The following TRIQK variants were observed in gnomAD, a reference collection of about 807,000 sequenced individuals.
The protein encoded by TRIQK is triple QxxK/R motif-containing protein.
TRIQK carries 10 observed loss-of-function variants against 10.8 expected under a neutral mutation model. The observed-to-expected ratio is 0.92, with a 90% CI of 0.57 to 1.57. The LOEUF (loss-of-function observed/expected upper bound fraction) is 1.57. Ranked by LOEUF, TRIQK falls within the 40% of genes most tolerant of loss-of-function variation. The probability of loss-of-function intolerance (pLI) is 0.00; values close to 1 mark genes in which losing one functional copy is unlikely to be tolerated. For synonymous variants in TRIQK, 33 were observed against 33.7 expected, an observed-to-expected ratio of 0.98 and a Z score of 0.07; for missense variants, 107 against 97.7, an observed-to-expected ratio of 1.09 and a Z score of -0.40.
chr8:92,997,672 A>G (rs1196811416), intron 1 of TRIQK, among the ~76,000 whole-genome samples: 1 of 152,116 alleles, frequency 6.6e-6, no homozygotes, highest in East Asian at 1.9e-4. Flanking sequence ...ACCTGCACAT[A>G]GTGCACTTTG....
At chr8:92,895,525 A>G (rs1808548624) in intron 3 of TRIQK, among the ~76,000 whole-genome samples, 2 of 152,172 alleles carry the variant, frequency 1.3e-5, no homozygotes, top group South Asian at 4.1e-4. Context: ...AGATGTAAGG[A>G]AAGTCTGAAT....
intron 1 of TRIQK, among the ~76,000 whole-genome samples, chr8:92,989,253 T>A: frequency 6.6e-6 from 1 of 152,194 alleles, no homozygotes; most frequent in East Asian, 1.9e-4. Context: ...AGGGCTAGAA[T>A]AAAATATGTC....
chr8:92,994,910 C>A (rs1376064534), intron 1 of TRIQK, among the ~76,000 whole-genome samples: 1 of 145,812 alleles, frequency 6.9e-6, no homozygotes, highest in Non-Finnish European at 1.5e-5. Flanking sequence ...TTTTCCATTA[C>A]AATATGTTCC....
At chr8:92,932,353 A>G (rs1332561986) in intron 2 of TRIQK, among the ~76,000 whole-genome samples, 1 of 152,060 alleles carries the variant, frequency 6.6e-6, no homozygotes, top group East Asian at 1.9e-4. Context: ...TTTTCCTTTA[A>G]CTAGCAAGTT....
chr8:92,932,291 A>G (rs1398675700), intron 2 of TRIQK, among the ~76,000 whole-genome samples: 3 of 152,112 alleles, frequency 2.0e-5, no homozygotes, highest in African/African-American at 7.2e-5. Flanking sequence ...AACTTCTTCA[A>G]TCATACATCT....
rs1229468073 is a variant in TRIQK at position 92,892,130 on chromosome 8, A to T, written c.62-56T>A. 3.4e-6 allele frequency: 4 copies of T among 1,169,442 alleles called. No individual in the cohort carries two copies. The East Asian group carries it at 1.1e-4, about 31-fold the overall frequency. The allele number at this position is 1,169,442 out of a possible 1,614,324, so 72.4% of individuals were successfully genotyped here. ...ATGCTCATATATAATTAAGTTTAAC[A>T]ATCATTTGAAATGTCAAAGAATGTT... On this transcript the variant is annotated intron_variant, in intron 3 of 4. Coordinates refer to ENST00000521988, the MANE Select transcript of TRIQK (RefSeq NM_001171797.2).
rs529158781 is a variant in TRIQK, at chr8:92,885,128, A to C, written c.*1494T>G. ...TAAATTTTGCCCTCAGATGTTTGGC[A>C]TAAATGATTTGTGAGGATATTGGAA... On this transcript the variant is annotated 3_prime_UTR_variant, in exon 5 of 5. Transcript: ENST00000521988. 1 of 413,742 alleles carries C rather than the reference A, an allele frequency of 2.4e-6. No individual in the cohort carries two copies. Among genetic ancestry groups the C allele is most frequent in the Admixed American group, 2.6e-5 (1 of 38,586 alleles). The allele number at this position is 413,742 out of a possible 1,614,324, so 25.6% of individuals were successfully genotyped here. A position where few individuals can be genotyped will look rare whatever the true frequency, so the allele number is the denominator to read the frequency against.
chr8:92,972,342 C>G (rs1029150902), intron 1 of TRIQK, among the ~76,000 whole-genome samples: 16 of 151,862 alleles, frequency 1.1e-4, no homozygotes, highest in African/African-American at 2.7e-4. Context: ...TCCATTTATA[C>G]TTTCCTTTTT....
At chr8:93,013,885 G>T (rs1813359499) in intron 1 of TRIQK, among the ~76,000 whole-genome samples, 1 of 152,146 alleles carries the variant, frequency 6.6e-6, no homozygotes, top group South Asian at 2.1e-4. Flanking sequence ...TCAGTTTCAA[G>T]CTTCCAAGGA....
At chr8:92,994,328 C>T (rs949914823) in intron 1 of TRIQK, among the ~76,000 whole-genome samples, 1 of 151,914 alleles carries the variant, frequency 6.6e-6, no homozygotes. Flanking sequence ...ATTTATATAT[C>T]CCTAGTGTCT....
intron 1 of TRIQK, among the ~76,000 whole-genome samples, chr8:92,989,584 C>A (rs1183696830): frequency 6.6e-6 from 1 of 152,162 alleles, no homozygotes; most frequent in East Asian, 1.9e-4. Flanking sequence ...CTCCCATCAC[C>A]CCCAGATGGG....
intron 1 of TRIQK, among the ~76,000 whole-genome samples, chr8:92,999,192 C>G (rs142277257): frequency 6.6e-6 from 1 of 152,220 alleles, no homozygotes; most frequent in East Asian, 1.9e-4. Flanking sequence ...GTTTACTTGC[C>G]CTTGTTGAAT....
At chr8:93,003,113 A>AGAGTAAATC (rs1182796867) in intron 1 of TRIQK, among the ~76,000 whole-genome samples, 3 of 152,086 alleles carry the variant, frequency 2.0e-5, no homozygotes, top group Non-Finnish European at 4.4e-5. Context: ...TAACATTAAA[A>AGAGTAAATC]AGACTATTTA....
At chr8:92,954,834 C>T (rs960367645) in intron 1 of TRIQK, among the ~76,000 whole-genome samples, 3 of 151,740 alleles carry the variant, frequency 2.0e-5, no homozygotes, top group Non-Finnish European at 4.4e-5. Flanking sequence ...ATTTATGTGA[C>T]CCAGTGTGTC....
intron 1 of TRIQK, chr8:92,963,732 A>G (rs543981396): frequency 6.6e-6 from 1 of 152,182 alleles, no homozygotes; most frequent in South Asian, 2.1e-4. Context: ...CGTCTGTACT[A>G]AAAATACAAA....
At chr8:92,921,611 A>G (rs1293386226) in intron 2 of TRIQK, 1 of 151,838 alleles carries the variant, frequency 6.6e-6, no homozygotes, top group Non-Finnish European at 1.5e-5. Context: ...ATCATGAATG[A>G]CTGCATGGAG....
intron 1 of TRIQK, among the ~76,000 whole-genome samples, chr8:92,978,461 G>A (rs1812953924): frequency 6.6e-6 from 1 of 152,090 alleles, no homozygotes; most frequent in Non-Finnish European, 1.5e-5. Context: ...CAGAAGTTTT[G>A]AGCCGCTCAA....
rs935416943 is a variant in TRIQK at position 92,885,301 on chromosome 8, C to G, written c.*1321G>C. ...AGTGCTTATAAAGCCCCATATACTC[C>G]TTAGATATTTCCCAAGGATTTCTTC... On this transcript the variant is annotated 3_prime_UTR_variant, in exon 5 of 5. Coordinates refer to ENST00000521988, the MANE Select transcript of TRIQK (RefSeq NM_001171797.2). 4.7e-6 allele frequency: 1 copy of G among 211,038 alleles called. No individual in the cohort carries two copies. Among genetic ancestry groups the G allele is most frequent in the Non-Finnish European group, 9.8e-6 (1 of 102,230 alleles). The allele number at this position is 211,038 out of a possible 1,614,324, so 13.1% of individuals were successfully genotyped here. A position where few individuals can be genotyped will look rare whatever the true frequency, so the allele number is the denominator to read the frequency against.
intron 1 of TRIQK, among the ~76,000 whole-genome samples, chr8:92,961,277 C>T (rs755481745): frequency 1.2e-4 from 18 of 151,802 alleles, no homozygotes; most frequent in Non-Finnish European, 2.2e-4. Context: ...ATAAAGGGGA[C>T]GGTGTTGAGG....
Sources: allele counts gnomAD v4.1 joint callset (sites outside exome capture counted in the v4.1 genomes callset), GRCh38; gene constraint gnomAD v4.1.1; transcripts MANE v1.5; gene names NCBI Gene and HGNC (gene_info 2026-07-23, HGNC 2026-07-21).